Variants in TEC observed in about 807,000 individuals in gnomAD.
The protein encoded by TEC is tyrosine-protein kinase Tec.
A neutral mutation model predicts 93.0 loss-of-function variants in TEC; 72 were observed. The observed-to-expected ratio is 0.77, with a 90% CI of 0.64 to 0.94. The LOEUF is 0.94. Among genes scored for constraint, TEC ranks in the 40% least tolerant of loss-of-function variants. The probability of loss-of-function intolerance (pLI) is 0.00; values close to 1 mark genes in which losing one functional copy is unlikely to be tolerated. For missense variants in TEC, 630 were observed against 757.9 expected (o/e 0.83, Z 1.98); for synonymous variants, 249 against 247.7 (o/e 1.01, Z -0.05).
chr4:48,143,646 A>C lies in TEC; in HGVS notation c.1470+1433T>G, dbSNP rs781343767. On this transcript the variant is annotated intron_variant, in intron 14 of 17. Coordinates refer to ENST00000381501, the MANE Select transcript of TEC (RefSeq NM_003215.3). ...TATCCCAAAACACACCTAGGAAATA[A>C]AGTGTTCCATCTCCAAATCTTCAAT... Among the ~76,000 whole-genome samples, 93 of 152,226 alleles carry C rather than the reference A, an allele frequency of 6.1e-4. 1 individual carries two copies. Among genetic ancestry groups the C allele is most frequent in the Middle Eastern group, 3.2e-3 (1 of 316 alleles).
intron 1 of TEC, among the ~76,000 whole-genome samples, chr4:48,240,700 A>G (rs1440562067): frequency 6.6e-6 from 1 of 152,108 alleles, no homozygotes; most frequent in Non-Finnish European, 1.5e-5. Context: ...AAGATTCTCT[A>G]CAGACCAACA....
intron 1 of TEC, among the ~76,000 whole-genome samples, chr4:48,268,489 C>A (rs1028631858): frequency 2.0e-5 from 3 of 152,202 alleles, no homozygotes; most frequent in African/African-American, 7.2e-5. Flanking sequence ...GAAAATGTAA[C>A]TAAACTAAAA....
In TEC at chr4:48,136,138, T is replaced by G. The variant is rs951551257; in HGVS notation, c.*1278A>C. The G allele has an allele frequency of 6.6e-6, 1 of 152,160 alleles. No individual in the cohort carries two copies. The highest frequency in any genetic ancestry group is 1.5e-5 in the Non-Finnish European group (1 of 68,036). 9.4% of individuals were successfully genotyped at this position (152,160 alleles called of 1,614,324 possible). ...TTCGCTGGCGCTCACGTGACCGAGA[T>G]AGTTTCTTTTCCTTGGCGCTCACAA... On this transcript the variant is annotated 3_prime_UTR_variant, in exon 18 of 18. Transcript: ENST00000381501.
intron 14 of TEC, among the ~76,000 whole-genome samples, chr4:48,141,891 TC>T (rs1719688405): frequency 6.6e-6 from 1 of 152,036 alleles, no homozygotes; most frequent in African/African-American, 2.4e-5. Context: ...ACTCCTGACC[TC>T]ATCCATCTGC....
intron 1 of TEC, among the ~76,000 whole-genome samples, chr4:48,254,255 G>C (rs1724283499): frequency 6.6e-6 from 1 of 152,220 alleles, no homozygotes; most frequent in African/African-American, 2.4e-5. Flanking sequence ...AAAGAGGTTG[G>C]TGGCAAAAGG....
At chr4:48,236,159 G>A (rs1317218922) in intron 1 of TEC, among the ~76,000 whole-genome samples, 2 of 152,158 alleles carry the variant, frequency 1.3e-5, no homozygotes, top group East Asian at 1.9e-4. Flanking sequence ...AAATTGAAGG[G>A]AGATGTCCCC....
At chr4:48,254,600 A>G (rs932796334) in intron 1 of TEC, among the ~76,000 whole-genome samples, 4 of 152,258 alleles carry the variant, frequency 2.6e-5, no homozygotes, top group Non-Finnish European at 4.4e-5. Flanking sequence ...TGGGGATAAG[A>G]GGCAAGGCCT....
At chr4:48,238,481 A>G (rs1438499731) in intron 1 of TEC, among the ~76,000 whole-genome samples, 1 of 152,042 alleles carries the variant, frequency 6.6e-6, no homozygotes, top group African/African-American at 2.4e-5. Context: ...AAAAGGCAAA[A>G]GTTGAAAGGC....
chr4:48,228,637 C>T lies in TEC; in HGVS notation c.-23G>A, dbSNP rs772728594. ...CATCTCCGTCTTCTGATTACTCCTC[C>T]TGCCACTGAAGATCCCAGTATTCTA... On this transcript the variant is annotated 5_prime_UTR_variant, in exon 2 of 18. Transcript: ENST00000381501. 2.3e-5 allele frequency: 37 copies of T among 1,606,896 alleles called. No individual in the cohort carries two copies. Among genetic ancestry groups the T allele is most frequent in the South Asian group, 5.6e-5 (5 of 89,696 alleles).
At chr4:48,257,199 T>C (rs146668701) in intron 1 of TEC, among the ~76,000 whole-genome samples, 123 of 152,318 alleles carry the variant, frequency 8.1e-4, no homozygotes, top group African/African-American at 2.8e-3. Context: ...ATGGCTTACA[T>C]GAAATATATT....
intron 2 of TEC, among the ~76,000 whole-genome samples, chr4:48,226,056 C>T (rs947510520): frequency 2.6e-5 from 4 of 152,042 alleles, no homozygotes; most frequent in African/African-American, 4.8e-5. Context: ...AGATGGTGAG[C>T]GAGGTTCTGA....
chr4:48,181,701 G>GA (rs143556366), intron 2 of TEC, among the ~76,000 whole-genome samples: 74,118 of 148,834 alleles, frequency 0.5, 18,860 homozygotes, highest in Admixed American at 0.56. Context: ...AAAAGAAAAA[G>GA]AAAAGAATTG....
intron 9 of TEC, among the ~76,000 whole-genome samples, chr4:48,154,952 C>G: frequency 6.6e-6 from 1 of 152,134 alleles, no homozygotes; most frequent in Non-Finnish European, 1.5e-5. Context: ...GGCTGACCAA[C>G]AATTGTTTCA....
intron 3 of TEC, among the ~76,000 whole-genome samples, chr4:48,175,143 C>G (rs751670639): frequency 1.3e-5 from 2 of 152,186 alleles, no homozygotes; most frequent in Non-Finnish European, 1.5e-5. Context: ...TGTAGCCCTT[C>G]CTCCATTTGT....
chr4:48,173,981 G>A (rs1721223085), intron 3 of TEC, among the ~76,000 whole-genome samples: 1 of 152,160 alleles, frequency 6.6e-6, no homozygotes, highest in Non-Finnish European at 1.5e-5. Context: ...CTTTGCATCT[G>A]AACCTAATGT....
intron 11 of TEC, among the ~76,000 whole-genome samples, 183 bp from the exon 12 acceptor site, chr4:48,146,582 C>T (rs1577697543): frequency 6.6e-6 from 1 of 152,154 alleles, no homozygotes; most frequent in East Asian, 1.9e-4. Flanking sequence ...TTAAATACTA[C>T]AGTGTTTAAC....
Position 48,229,213 on chromosome 4 carries a change from A to G in TEC, c.-45-554T>C, listed in dbSNP as rs1336467820. ...AGGGATGTTCTCTGGTGTCTACACT[A>G]CCATGCTCCAGAGTTCTCTTCCCTA... On this transcript the variant is annotated intron_variant, in intron 1 of 17. Coordinates refer to ENST00000381501, the MANE Select transcript of TEC (RefSeq NM_003215.3). Among the ~76,000 whole-genome samples the G allele has an allele frequency of 4.6e-5, 7 of 152,140 alleles. No homozygotes were observed. In the East Asian group the frequency reaches 1.2e-3, roughly 25 times the overall value.
At chr4:48,244,096 T>C (rs73140541) in intron 1 of TEC, among the ~76,000 whole-genome samples, 230 of 151,666 alleles carry the variant, frequency 1.5e-3, no homozygotes, top group African/African-American at 5.3e-3. Flanking sequence ...TGTTGTGAAA[T>C]ACAAGATGAG....
At chr4:48,229,453 TAAC>T (rs1460681657) in intron 1 of TEC, among the ~76,000 whole-genome samples, 1 of 152,244 alleles carries the variant, frequency 6.6e-6, no homozygotes, top group Non-Finnish European at 1.5e-5. Context: ...CAAGTTGAAT[TAAC>T]AACAGCCTCT....
Sources: allele counts gnomAD v4.1 joint callset (sites outside exome capture counted in the v4.1 genomes callset), GRCh38; gene constraint gnomAD v4.1.1; transcripts MANE v1.5; gene names NCBI Gene and HGNC (gene_info 2026-07-23, HGNC 2026-07-21).